Variants in LRP4 observed in about 807,000 individuals in gnomAD.
The protein encoded by LRP4 is low-density lipoprotein receptor-related protein 4.
Under a neutral mutation model 220.3 loss-of-function variants are expected in LRP4, and 95 were observed. That is an observed-to-expected ratio of 0.43 (90% CI 0.37 to 0.51). The LOEUF is 0.51. Ranked by LOEUF, LRP4 falls within the 20% of genes least tolerant of loss-of-function variation. LRP4 has a pLI of 0.00. For missense variants in LRP4, 1,925 were observed against 2,567.0 expected (o/e 0.75, Z 5.40); for synonymous variants, 903 against 954.6 (o/e 0.95, Z 1.00).
At chr11:46,887,910 G>A (rs1207533281) in intron 16 of LRP4, among the ~76,000 whole-genome samples, 2 of 151,168 alleles carry the variant, frequency 1.3e-5, no homozygotes, top group Middle Eastern at 6.3e-3. Flanking sequence ...AGCTACTTAG[G>A]GGGCTGGGGC....
rs1235698532 is a variant in LRP4 at position 46,890,216 on chromosome 11, T to TG, written c.1915+60dup. On this transcript the variant is annotated intron_variant, in intron 14 of 37. Coordinates refer to ENST00000378623, the MANE Select transcript of LRP4 (RefSeq NM_002334.4). This position sits in a 1 kb window ranked among gnomAD's most constrained non-coding sequence, Gnocchi z 5.3. ...TACACAAAACCTCTACCAAGGCTCCTGGGGGGCAGGGACGGGGGCAGGAGG... is the reference window on the plus strand; with the variant it reads ...TACACAAAACCTCTACCAAGGCTCCTGGGGGGGCAGGGACGGGGGCAGGAGG... 1.9e-6 allele frequency: 3 copies of TG among 1,606,740 alleles called. No homozygotes were observed. The highest frequency in any genetic ancestry group is 2.6e-6 in the Non-Finnish European group (3 of 1,173,858).
intron 6 of LRP4, 94 bp from the exon 7 acceptor site, chr11:46,898,771 CT>C: frequency 6.2e-7 from 1 of 1,605,806 alleles, no homozygotes; most frequent in Non-Finnish European, 8.5e-7. Flanking sequence ...GTTCCTCCAT[CT>C]CTTCCCAAGA....
intron 15 of LRP4, 108 bp downstream of exon 15, chr11:46,889,836 C>T: frequency 7.8e-7 from 1 of 1,276,264 alleles, no homozygotes. Flanking sequence ...TGCTGGATTT[C>T]CCCATCAGAA....
At chr11:46,885,340 C>T (rs1941264122) in intron 18 of LRP4, among the ~76,000 whole-genome samples, 1 of 152,142 alleles carries the variant, frequency 6.6e-6, no homozygotes, top group African/African-American at 2.4e-5. Context: ...TCTGCATGTC[C>T]AACAACTTCC....
chr11:46,869,670 A>G (rs1275896730), intron 31 of LRP4, among the ~76,000 whole-genome samples: 3 of 150,648 alleles, frequency 2.0e-5, no homozygotes, highest in Non-Finnish European at 4.4e-5. Context: ...AGGGGCAATG[A>G]AGGTGTTCTC....
Position 46,895,189 on chromosome 11 carries a change from T to C in LRP4, c.1286A>G (p.Asp429Gly). The change falls in exon 11 of 38, where the codon GAC becomes GGC. Residue 429 changes from aspartate (D) to glycine (G), a missense_variant. Coordinates refer to ENST00000378623, the MANE Select transcript of LRP4 (RefSeq NM_002334.4). ...ACCCAGAGCCTTGCAGCTGCGCCGG[T>C]CGGGCCGTAGTTCATAGCCTGTTTC... ...WCETGYELRP[D>G]RRSCKALGPE... 6.2e-7 allele frequency: 1 copy of C among 1,614,034 alleles called. No individual in the cohort carries two copies. The highest frequency in any genetic ancestry group is 1.1e-5 in the South Asian group (1 of 91,086).
At chr11:46,913,932 A>G (rs1181733137) in intron 1 of LRP4, among the ~76,000 whole-genome samples, 1 of 152,086 alleles carries the variant, frequency 6.6e-6, no homozygotes, top group Admixed American at 6.6e-5. Context: ...TTTAAAAGAG[A>G]CAAGCAAAAG....
chr11:46,906,486 A>G (rs1212777196), intron 1 of LRP4, among the ~76,000 whole-genome samples: 1 of 151,952 alleles, frequency 6.6e-6, no homozygotes, highest in Non-Finnish European at 1.5e-5. Flanking sequence ...AAGATTAGAC[A>G]AGAAAATAAA....
At chr11:46,896,383 CA>C in intron 8 of LRP4, 48 bp from the exon 9 acceptor site, 2 of 1,606,160 alleles carry the variant, frequency 1.2e-6, no homozygotes, top group Non-Finnish European at 1.7e-6. Context: ...CTTGGGCCAA[CA>C]AAGAGATGGG....
Position 46,858,178 on chromosome 11 carries a change from A to G in LRP4, c.*805T>C, listed in dbSNP as rs536594909. 6.6e-6 allele frequency: 1 copy of G among 152,544 alleles called. No individual in the cohort carries two copies. The highest frequency in any genetic ancestry group is 1.5e-5 in the Non-Finnish European group (1 of 68,260). The allele number at this position is 152,544 out of a possible 1,614,324, so 9.4% of individuals were successfully genotyped here. On this transcript the variant is annotated 3_prime_UTR_variant, in exon 38 of 38. Coordinates refer to ENST00000378623, the MANE Select transcript of LRP4 (RefSeq NM_002334.4). ...CTCACAACCTGGTTAATTTGAGCAA[A>G]GACTTAGGAAAGGTACTGGCCAGTG...
chr11:46,864,863 TGA>T (rs1940653477), intron 35 of LRP4, among the ~76,000 whole-genome samples: 1 of 152,232 alleles, frequency 6.6e-6, no homozygotes, highest in South Asian at 2.1e-4. Context: ...GGAAATTACA[TGA>T]GAGTATGTAT....
At chr11:46,894,126 A>G (rs1344269382) in intron 12 of LRP4, among the ~76,000 whole-genome samples, 2 of 152,062 alleles carry the variant, frequency 1.3e-5, no homozygotes, top group African/African-American at 4.8e-5. Context: ...TCCCAACCTC[A>G]GGTGATCTGC....
At chr11:46,897,348 CTTT>C (rs1219522085) in intron 7 of LRP4, among the ~76,000 whole-genome samples, 2 of 95,640 alleles carry the variant, frequency 2.1e-5, no homozygotes, top group African/African-American at 6.7e-5. Context: ...TTTTTTTTTT[CTTT>C]TTATTTTTTT....
chr11:46,880,066 T>C (rs1053785745), intron 20 of LRP4, among the ~76,000 whole-genome samples: 7 of 152,026 alleles, frequency 4.6e-5, no homozygotes, highest in Admixed American at 4.6e-4. Flanking sequence ...GATCGCACCA[T>C]TGCACGCCAG....
rs150306458 is a variant in LRP4, at chr11:46,876,529, C to T, written c.3473G>A (p.Arg1158Gln). Residue 1158 changes from arginine (R) to glutamine (Q), a missense_variant, in exon 25 of 38, where the codon CGG (arginine) becomes CAG (glutamine). Physicochemically the swap from Arg to Gln is conservative, Grantham distance 43. Around this residue, in one of 3 missense-constraint regions of LRP4, gnomAD observed 1,244 missense variants for 1,624.9 expected, o/e 0.77. Coordinates refer to ENST00000378623, the MANE Select transcript of LRP4 (RefSeq NM_002334.4). The stretch of plus-strand genomic sequence containing the variant: ...AAGGTTCTGCCACACCAACACTTTC[C>T]GCATGGACCCGTCCAGGTTGCCCAC... Reference protein sequence around the residue: ...IEVGNLDGSMRKVLVWQNLDS... With the variant: ...IEVGNLDGSMQKVLVWQNLDS... The T allele has an allele frequency of 1.4e-5, 23 of 1,614,088 alleles. No individual in the cohort carries two copies. Among genetic ancestry groups the T allele is most frequent in the Middle Eastern group, 1.6e-4 (1 of 6,084 alleles).
At position 46,899,536 on chromosome 11, in the gene LRP4, G is replaced by C; in HGVS notation, c.431-33C>G. 6.6e-7 allele frequency: 1 copy of C among 1,522,082 alleles called. No individual in the cohort carries two copies. The highest frequency in any genetic ancestry group is 9.1e-7 in the Non-Finnish European group (1 of 1,100,562). 94.3% of individuals were successfully genotyped at this position (1,522,082 alleles called of 1,614,324 possible). A position where few individuals can be genotyped will look rare whatever the true frequency, so the allele number is the denominator to read the frequency against. On this transcript the variant is annotated intron_variant, in intron 4 of 37. Coordinates refer to ENST00000378623, the MANE Select transcript of LRP4 (RefSeq NM_002334.4). The surrounding 1 kb of genome is among the most constrained non-coding windows in gnomAD (Gnocchi z 5.9). ...GATGCGATGGGACAGCAGTTCTGAGGGGGCCCCACAGGCAACCCTCTCACC... is the reference window on the plus strand; with the variant it reads ...GATGCGATGGGACAGCAGTTCTGAGCGGGCCCCACAGGCAACCCTCTCACC...
At chr11:46,889,756 T>C (rs1269688962) in intron 15 of LRP4, 188 bp downstream of exon 15, 4 of 838,452 alleles carry the variant, frequency 4.8e-6, no homozygotes, top group Non-Finnish European at 5.8e-6. Flanking sequence ...GTCTAATGAA[T>C]CTTTTCGTGA....
Position 46,873,577 on chromosome 11 carries a change from C to T in LRP4, c.4246G>A (p.Gly1416Ser), listed in dbSNP as rs780415835. 3.1e-6 allele frequency: 5 copies of T among 1,613,184 alleles called. No homozygotes were observed. The highest frequency in any genetic ancestry group is 2.5e-6 in the Non-Finnish European group (3 of 1,179,224). ...LDVIRRADLN[G>S]SNMETVIGRG... ...CCGATCACTGTCTCCATGTTGCTGC[C>T]GTTCAGGTCTGCTCGCCTTGGGGAG... The change falls in exon 29 of 38, where the codon GGC (glycine) becomes AGC (serine). Residue 1416 changes from glycine to serine, a missense_variant. By Grantham distance (56) the Gly-to-Ser change is moderately conservative. Transcript: ENST00000378623. The surrounding 1 kb of genome is among the most constrained non-coding windows in gnomAD (Gnocchi z 4.2).
At position 46,918,517 on chromosome 11, in the gene LRP4, C is replaced by T; in HGVS notation, c.-138G>A. 1 of 440,902 alleles carries T rather than the reference C, an allele frequency of 2.3e-6. No individual in the cohort carries two copies. The highest frequency in any genetic ancestry group is 3.3e-6 in the Non-Finnish European group (1 of 307,662). 27.3% of individuals were successfully genotyped at this position (440,902 alleles called of 1,614,324 possible). A position where few individuals can be genotyped will look rare whatever the true frequency, so the allele number is the denominator to read the frequency against. ...CGCGCCCCGCAAGTCGCCCTCGGGC[C>T]GCCGCCGCCTCCAGTGCTGCCAGAG... On this transcript the variant is annotated 5_prime_UTR_variant, in exon 1 of 38. Coordinates refer to ENST00000378623, the MANE Select transcript of LRP4 (RefSeq NM_002334.4). The surrounding 1 kb of genome is among the most constrained non-coding windows in gnomAD (Gnocchi z 6.0).
Sources: allele counts gnomAD v4.1 joint callset (sites outside exome capture counted in the v4.1 genomes callset), GRCh38; gene constraint gnomAD v4.1.1; regional missense constraint gnomAD v4.1.1; non-coding constraint Gnocchi (gnomAD v3.1); transcripts MANE v1.5; gene names NCBI Gene and HGNC (gene_info 2026-07-23, HGNC 2026-07-21).